GPR158: variants seen among roughly 807,000 people sequenced by gnomAD.
The protein encoded by GPR158 is G protein-coupled receptor 158.
In GPR158, 30 loss-of-function variants were observed where a neutral mutation model predicts 78.2. The ratio of observed to expected loss-of-function variants is 0.38; its 90% CI spans 0.29 to 0.52. GPR158 has a LOEUF of 0.52. GPR158 is among the 20% of genes least tolerant of loss of function. The probability of loss-of-function intolerance (pLI) is 0.83; values close to 1 mark genes in which losing one functional copy is unlikely to be tolerated. For synonymous variants in GPR158, 581 were observed against 591.1 expected (o/e 0.98, Z 0.25); for missense variants, 1,463 against 1,523.5 (o/e 0.96, Z 0.66).
intron 2 of GPR158, among the ~76,000 whole-genome samples, chr10:25,354,185 C>T (rs560164738): frequency 6.6e-6 from 1 of 151,822 alleles, no homozygotes; most frequent in Non-Finnish European, 1.5e-5. Flanking sequence ...GAAACACACT[C>T]TCTACTAAAA....
chr10:25,319,891 A>C (rs939725339), intron 2 of GPR158, among the ~76,000 whole-genome samples: 3 of 151,746 alleles, frequency 2.0e-5, no homozygotes, highest in African/African-American at 7.3e-5. Context: ...AGGGTTCAAA[A>C]TCCAACCAGG....
chr10:25,444,493 A>G (rs886170483), intron 4 of GPR158, among the ~76,000 whole-genome samples: 4 of 146,926 alleles, frequency 2.7e-5, no homozygotes, highest in African/African-American at 1.0e-4. Context: ...TGTGTGGGGG[A>G]AATGTGGGCG....
intron 5 of GPR158, chr10:25,475,320 G>T (rs1013479756): frequency 6.6e-6 from 1 of 152,070 alleles, no homozygotes; most frequent in Admixed American, 6.6e-5. Context: ...GAAACATTAG[G>T]ATACCTCATC....
At chr10:25,225,087 T>C (rs899952860) in intron 2 of GPR158, among the ~76,000 whole-genome samples, 3 of 152,182 alleles carry the variant, frequency 2.0e-5, no homozygotes, top group Non-Finnish European at 4.4e-5. Context: ...GGAATGGTTT[T>C]TGTTGTTGTT....
rs1017144083 is a variant in GPR158, at chr10:25,353,753, A to G, written c.1009-42158A>G. Among the ~76,000 whole-genome samples, 5 of 152,058 alleles carry G rather than the reference A, an allele frequency of 3.3e-5. 1 individual carries two copies. The highest frequency in any genetic ancestry group is 1.3e-4 in the Admixed American group (2 of 15,258). Reference sequence around the variant, plus strand: ...TACTTTTTAGTCTATGTGTCTTTATAGAATTGGGTTTTCTGAAGGCAGCAT... The same window carrying G: ...TACTTTTTAGTCTATGTGTCTTTATGGAATTGGGTTTTCTGAAGGCAGCAT... On this transcript the variant is annotated intron_variant, in intron 2 of 10. Transcript: ENST00000376351.
chr10:25,375,035 T>C (rs1226458394), intron 2 of GPR158, among the ~76,000 whole-genome samples: 2 of 151,750 alleles, frequency 1.3e-5, no homozygotes, highest in African/African-American at 4.8e-5. Flanking sequence ...TTAGTTTCTC[T>C]GTATTCTTGC....
At chr10:25,387,784 G>T (rs1239948990) in intron 2 of GPR158, among the ~76,000 whole-genome samples, 1 of 152,136 alleles carries the variant, frequency 6.6e-6, no homozygotes, top group African/African-American at 2.4e-5. Context: ...AAAGTGCTGT[G>T]ATTACAGGTG....
chr10:25,496,348 G>C (rs1019191851), intron 5 of GPR158, among the ~76,000 whole-genome samples: 6 of 152,166 alleles, frequency 3.9e-5, no homozygotes, highest in Non-Finnish European at 7.4e-5. Context: ...CATGAGAAAT[G>C]GAGAGACACT....
intron 2 of GPR158, among the ~76,000 whole-genome samples, chr10:25,267,823 G>A (rs1306556130): frequency 6.6e-6 from 1 of 152,048 alleles, no homozygotes; most frequent in African/African-American, 2.4e-5. Context: ...TCAAAAACAT[G>A]TGAGTAGGAA....
At chr10:25,539,521 ATTTTT>A (rs35477926) in intron 5 of GPR158, among the ~76,000 whole-genome samples, 8 of 141,450 alleles carry the variant, frequency 5.7e-5, no homozygotes, top group Non-Finnish European at 1.1e-4. Flanking sequence ...ACCCCTTTTA[ATTTTT>A]TTTTTTTTTT....
At chr10:25,214,238 C>G (rs1353255065) in intron 1 of GPR158, among the ~76,000 whole-genome samples, 1 of 151,686 alleles carries the variant, frequency 6.6e-6, no homozygotes, top group East Asian at 1.9e-4. Context: ...TCGTGATCCA[C>G]CTGCTTCGGC....
intron 2 of GPR158, among the ~76,000 whole-genome samples, chr10:25,337,870 T>G (rs7914392): frequency 0.16 from 24,593 of 151,976 alleles, 4,056 homozygotes; most frequent in African/African-American, 0.42. Context: ...TTTTCATTTC[T>G]CTGATAACTA....
chr10:25,590,586 G>GCA (rs1837329356), intron 8 of GPR158, among the ~76,000 whole-genome samples: 1 of 152,042 alleles, frequency 6.6e-6, no homozygotes, highest in South Asian at 2.1e-4. Context: ...CTTATTTGCA[G>GCA]AATATCAAGC....
At chr10:25,505,315 T>C (rs1349712045) in intron 5 of GPR158, among the ~76,000 whole-genome samples, 2 of 152,230 alleles carry the variant, frequency 1.3e-5, no homozygotes, top group Non-Finnish European at 2.9e-5. Context: ...ATTCTAAGAC[T>C]GTAGAATAAC....
At chr10:25,507,704 A>G (rs533164274) in intron 5 of GPR158, among the ~76,000 whole-genome samples, 3 of 152,346 alleles carry the variant, frequency 2.0e-5, no homozygotes, top group African/African-American at 7.2e-5. Flanking sequence ...TCACTCTGGT[A>G]TGTTATTTTA....
chr10:25,523,303 A>T (rs1836302559), intron 5 of GPR158, among the ~76,000 whole-genome samples: 3 of 152,230 alleles, frequency 2.0e-5, no homozygotes. Context: ...TGAAGAAAAC[A>T]TCTTTAAGGT....
chr10:25,427,570 G>A (rs942889979), intron 4 of GPR158, among the ~76,000 whole-genome samples: 2 of 151,914 alleles, frequency 1.3e-5, no homozygotes, highest in African/African-American at 2.4e-5. Context: ...TGCTAATATA[G>A]GTTTTTTAAA....
Position 25,450,785 on chromosome 10 carries a change from T to A in GPR158, c.1336-15866T>A, listed in dbSNP as rs76244491. On this transcript the variant is annotated intron_variant, in intron 4 of 10. Transcript: ENST00000376351. ...TTAGTTAATTACTGTTGTACAAAAT[T>A]AGCACATAAAGACAAATATGAAGCA... Among the ~76,000 whole-genome samples the A allele has an allele frequency of 2.8e-3, 427 of 152,292 alleles. 2 individuals are homozygous for A. The highest frequency in any genetic ancestry group is 9.8e-3 in the African/African-American group (408 of 41,574).
At chr10:25,401,241 G>A (rs554488738) in intron 3 of GPR158, among the ~76,000 whole-genome samples, 2 of 152,020 alleles carry the variant, frequency 1.3e-5, no homozygotes, top group East Asian at 1.9e-4. Flanking sequence ...AAATAGCATC[G>A]TCACTTTCAC....
Sources: allele counts gnomAD v4.1 joint callset (sites outside exome capture counted in the v4.1 genomes callset), GRCh38; gene constraint gnomAD v4.1.1; transcripts MANE v1.5; gene names NCBI Gene and HGNC (gene_info 2026-07-23, HGNC 2026-07-21).